Variants in GABRB1 observed in about 807,000 individuals in gnomAD.
GABRB1 encodes gamma-aminobutyric acid receptor subunit beta-1.
In GABRB1, 17 loss-of-function variants were observed where a neutral mutation model predicts 51.6. That is an observed-to-expected ratio of 0.33 (90% CI 0.23 to 0.49). The LOEUF (loss-of-function observed/expected upper bound fraction) is 0.49. Ranked by LOEUF, GABRB1 falls within the 20% of genes least tolerant of loss-of-function variation. The pLI is 0.99. For synonymous variants in GABRB1, 247 were observed against 218.9 expected (o/e 1.13, Z -1.14); for missense variants, 410 against 600.6 (o/e 0.68, Z 3.32).
intron 4 of GABRB1, among the ~76,000 whole-genome samples, chr4:47,289,614 A>G (rs940300434): frequency 2.0e-5 from 3 of 152,174 alleles, no homozygotes; most frequent in African/African-American, 7.2e-5. Flanking sequence ...TATTGGAAGG[A>G]GCATGGTCTT....
chr4:47,150,939 G>C lies in GABRB1; in HGVS notation c.241-10310G>C, dbSNP rs576063649. 8.6e-5 allele frequency among the ~76,000 whole-genome samples: 13 copies of C among 151,966 alleles called. No homozygotes were observed. In the East Asian group the frequency reaches 2.5e-3, roughly 30 times the overall value. On this transcript the variant is annotated intron_variant, in intron 3 of 8. Transcript: ENST00000295454. ...TGAATAGTAAATTTTTAAAATACAA[G>C]GTGGTATACAGAAGACAGAGAAGGT... is the stretch of plus-strand genomic sequence containing the variant.
At position 46,996,279 on chromosome 4, in the gene GABRB1, T is replaced by C. The variant is rs571030270; in HGVS notation, c.-20+2353T>C. Among the ~76,000 whole-genome samples the C allele has an allele frequency of 3.9e-5, 6 of 152,292 alleles. No homozygotes were observed. In the East Asian group the frequency reaches 1.2e-3, roughly 29 times the overall value. ...ACCTCTTTTTTTCTTTAAGTTGATA[T>C]AAGCCTCTGATTACTAGGTTTAGCA... On this transcript the variant is annotated intron_variant, in intron 1 of 3. Coordinates refer to the GABRB1 transcript ENST00000513567.
intron 4 of GABRB1, among the ~76,000 whole-genome samples, chr4:47,291,712 G>A (rs780769870): frequency 2.0e-5 from 3 of 152,176 alleles, no homozygotes; most frequent in South Asian, 4.1e-4. Flanking sequence ...TCTTTTTGGA[G>A]CTGTAAGACT....
chr4:47,044,231 G>T (rs1725987256), intron 3 of GABRB1, among the ~76,000 whole-genome samples: 1 of 152,064 alleles, frequency 6.6e-6, no homozygotes, highest in African/African-American at 2.4e-5. Flanking sequence ...GAGGCAAGAT[G>T]ACGTTAATAT....
chr4:47,128,823 C>G (rs908517024), intron 3 of GABRB1, among the ~76,000 whole-genome samples: 2 of 151,882 alleles, frequency 1.3e-5, no homozygotes, highest in African/African-American at 4.8e-5. Flanking sequence ...TTGCCATTCT[C>G]TCAACTTCTC....
At chr4:47,306,527 A>G (rs1724476778) in intron 4 of GABRB1, among the ~76,000 whole-genome samples, 1 of 151,934 alleles carries the variant, frequency 6.6e-6, no homozygotes, top group African/African-American at 2.4e-5. Flanking sequence ...GGAATTATAG[A>G]TTAATCCAAT....
At chr4:47,263,187 G>A (rs1453164517) in intron 4 of GABRB1, among the ~76,000 whole-genome samples, 1 of 143,940 alleles carries the variant, frequency 6.9e-6, no homozygotes, top group East Asian at 2.0e-4. Context: ...AAAACTTAAA[G>A]TATAATAATA....
At chr4:47,408,866 C>A (rs1728663566) in intron 8 of GABRB1, among the ~76,000 whole-genome samples, 2 of 151,972 alleles carry the variant, frequency 1.3e-5, no homozygotes, top group Admixed American at 6.6e-5. Context: ...AAAACCCTAC[C>A]CAAAAAAGGT....
intron 4 of GABRB1, among the ~76,000 whole-genome samples, chr4:47,264,863 T>C (rs907911201): frequency 6.6e-6 from 1 of 152,224 alleles, no homozygotes; most frequent in Non-Finnish European, 1.5e-5. Flanking sequence ...TTTGTCACTA[T>C]AAATGAGTTT....
chr4:47,284,338 T>C (rs764569943), intron 4 of GABRB1, among the ~76,000 whole-genome samples: 2 of 152,042 alleles, frequency 1.3e-5, no homozygotes, highest in African/African-American at 4.8e-5. Context: ...GAGAGAAACA[T>C]TGAGTTCCAC....
At chr4:47,382,233 G>C (rs1727623014) in intron 5 of GABRB1, among the ~76,000 whole-genome samples, 1 of 152,122 alleles carries the variant, frequency 6.6e-6, no homozygotes, top group Non-Finnish European at 1.5e-5. Flanking sequence ...TTGACATGTT[G>C]GGTGGAATAA....
At chr4:47,032,850 C>T in intron 3 of GABRB1, 1 of 425,222 alleles carries the variant, frequency 2.4e-6, no homozygotes, top group Non-Finnish European at 4.8e-6. Context: ...GGTCCCCGGA[C>T]CGGTGGTCGG....
At chr4:47,242,261 C>G (rs977388234) in intron 4 of GABRB1, among the ~76,000 whole-genome samples, 10 of 152,148 alleles carry the variant, frequency 6.6e-5, no homozygotes, top group Admixed American at 2.0e-4. Flanking sequence ...GTATATGTGC[C>G]ACATTTTCTT....
At chr4:47,355,317 T>C (rs1486265657) in intron 5 of GABRB1, among the ~76,000 whole-genome samples, 1 of 152,044 alleles carries the variant, frequency 6.6e-6, no homozygotes, top group African/African-American at 2.4e-5. Context: ...AAAACTTCTT[T>C]TTTTTTTAAT....
At chr4:47,227,049 G>A (rs1394902931) in intron 4 of GABRB1, among the ~76,000 whole-genome samples, 1 of 152,190 alleles carries the variant, frequency 6.6e-6, no homozygotes, top group Non-Finnish European at 1.5e-5. Context: ...CTATGCAAGT[G>A]AATGCAGCAT....
intron 5 of GABRB1, among the ~76,000 whole-genome samples, chr4:47,377,465 A>G (rs1178958655): frequency 6.6e-6 from 1 of 151,748 alleles, no homozygotes; most frequent in Non-Finnish European, 1.5e-5. Flanking sequence ...GTGAAGCTGC[A>G]GACCTTGGAT....
chr4:47,374,326 C>G (rs1475776645), intron 5 of GABRB1, among the ~76,000 whole-genome samples: 1 of 152,060 alleles, frequency 6.6e-6, no homozygotes, highest in Non-Finnish European at 1.5e-5. Context: ...GTAGTTGAGG[C>G]TGCAGTGAGT....
chr4:47,387,138 A>G (rs1214481344), intron 5 of GABRB1, among the ~76,000 whole-genome samples: 2 of 152,194 alleles, frequency 1.3e-5, no homozygotes, highest in African/African-American at 2.4e-5. Flanking sequence ...TGCAGATAAC[A>G]TGAAACTAAG....
intron 5 of GABRB1, among the ~76,000 whole-genome samples, chr4:47,333,437 G>A (rs1031057177): frequency 2.4e-4 from 37 of 151,984 alleles, no homozygotes; most frequent in East Asian, 1.9e-3. Flanking sequence ...TTCTCAGGCC[G>A]GGCACAGTGG....
Sources: allele counts gnomAD v4.1 joint callset (sites outside exome capture counted in the v4.1 genomes callset), GRCh38; gene constraint gnomAD v4.1.1; transcripts MANE v1.5; gene names NCBI Gene and HGNC (gene_info 2026-07-23, HGNC 2026-07-21).